GATM: variants seen among roughly 807,000 people sequenced by gnomAD.
GATM encodes glycine amidinotransferase.
Under a neutral mutation model 54.2 loss-of-function variants are expected in GATM, and 23 were observed. The ratio of observed to expected loss-of-function variants is 0.42; its 90% CI spans 0.31 to 0.60. The LOEUF (loss-of-function observed/expected upper bound fraction) is 0.60, where lower values mean the gene tolerates loss of function less well. GATM is among the 20% of genes least tolerant of loss of function. The pLI is 0.14. For missense variants in GATM, 401 were observed against 544.9 expected, an observed-to-expected ratio of 0.74 and a Z score of 2.63; for synonymous variants, 168 against 183.1, an observed-to-expected ratio of 0.92 and a Z score of 0.67.
At chr15:45,393,484 C>T (rs946057206) in intron 3 of GATM, among the ~76,000 whole-genome samples, 1 of 151,968 alleles carries the variant, frequency 6.6e-6, no homozygotes, top group Non-Finnish European at 1.5e-5. Context: ...ATACTGTAAA[C>T]ACTTACAACT....
chr15:45,369,707 T>C, intron 2 of GATM, 186 bp from the exon 3 acceptor site: 1 of 617,780 alleles, frequency 1.6e-6, no homozygotes, highest in Non-Finnish European at 2.9e-6. Context: ...ATCTGTTGAA[T>C]GAAGAACTCT....
At chr15:45,378,753 C>G (rs969519601), upstream of GATM, 3 of 330,378 alleles carry the variant, frequency 9.1e-6, no homozygotes, top group Admixed American at 1.0e-4. Flanking sequence ...GTTGCACGTC[C>G]GGACCCGGAC....
intron 5 of GATM, 35 bp downstream of exon 5, chr15:45,366,336 T>C: frequency 1.9e-6 from 3 of 1,613,232 alleles, no homozygotes; most frequent in East Asian, 2.2e-5. Flanking sequence ...AATACAATAA[T>C]ATAGTGTGAA....
rs117195104 is a variant in GATM at position 45,393,050 on chromosome 15, G to A, written c.-319+3872C>T. ...AATATGTGCCTGGCAGTAGCCAAGTGCATTACATGAATTTAGTTATCATGA... is the reference window on the plus strand; with the variant it reads ...AATATGTGCCTGGCAGTAGCCAAGTACATTACATGAATTTAGTTATCATGA... On this transcript the variant is annotated intron_variant, in intron 3 of 4. Transcript: ENST00000561148. Among the ~76,000 whole-genome samples the A allele has an allele frequency of 4.1e-3, 621 of 152,314 alleles. 21 individuals carry two copies. In the East Asian group the frequency reaches 0.098, roughly 24 times the overall value.
intron 1 of GATM, 36 bp downstream of exon 1, chr15:45,378,349 C>T (rs1889678493): frequency 3.4e-6 from 5 of 1,491,684 alleles, no homozygotes; most frequent in Non-Finnish European, 4.5e-6. Context: ...TCGAGTGAGT[C>T]ACGCGGCCGC....
upstream of GATM, chr15:45,379,416 A>G (rs1889702920): frequency 6.6e-6 from 1 of 152,014 alleles, no homozygotes; most frequent in Admixed American, 6.6e-5. Flanking sequence ...ATTTTTGATG[A>G]GCTGTCTTTT....
At chr15:45,394,176 C>T (rs780260174) in intron 3 of GATM, among the ~76,000 whole-genome samples, 2 of 152,186 alleles carry the variant, frequency 1.3e-5, no homozygotes, top group African/African-American at 2.4e-5. Context: ...CACCTGAGCT[C>T]CACCTCCTGT....
chr15:45,397,845 TAGA>T (rs1177071344), intron 2 of GATM, among the ~76,000 whole-genome samples: 1 of 152,132 alleles, frequency 6.6e-6, no homozygotes. Context: ...TATCTCCAGG[TAGA>T]TAGTCTCAGC....
chr15:45,377,506 T>C (rs749690317), intron 1 of GATM: 5 of 330,558 alleles, frequency 1.5e-5, no homozygotes, highest in South Asian at 1.2e-4. Context: ...AAGAAGGAGA[T>C]CTAAAAACTT....
At chr15:45,382,654 G>A (rs150720435), upstream of GATM, among the ~76,000 whole-genome samples, 490 of 152,100 alleles carry the variant, frequency 3.2e-3, 1 homozygote, top group African/African-American at 0.011. Flanking sequence ...TTAGCCAGGC[G>A]TGTTGGTGCA....
At chr15:45,394,493 G>A (rs1440315884) in intron 3 of GATM, among the ~76,000 whole-genome samples, 1 of 152,226 alleles carries the variant, frequency 6.6e-6, no homozygotes, top group Non-Finnish European at 1.5e-5. Flanking sequence ...AAGGTTACAT[G>A]TTGAGGAAAA....
At chr15:45,398,528 T>C (rs1017925564) in intron 2 of GATM, among the ~76,000 whole-genome samples, 4 of 152,178 alleles carry the variant, frequency 2.6e-5, no homozygotes, top group Non-Finnish European at 5.9e-5. Context: ...AAAGTAAAGA[T>C]GGAAGATTCT....
At chr15:45,396,647 G>A (rs569101008) in intron 3 of GATM, among the ~76,000 whole-genome samples, 9 of 152,012 alleles carry the variant, frequency 5.9e-5, no homozygotes, top group African/African-American at 2.2e-4. Context: ...GAGGTGGGCG[G>A]GTCATGAGGT....
chr15:45,397,039 G>A (rs137992822), exon 3 of GATM: 791 of 150,860 alleles, frequency 5.2e-3, no homozygotes, highest in Non-Finnish European at 8.2e-3. Context: ...TATCCTTCAC[G>A]TCTCAGCTGG....
chr15:45,378,491 G>T lies in GATM; in HGVS notation c.-38C>A. ...GCTGGTCCACGCGCGGAATGTTCCT[G>T]GCCTCTGGGCCGCGTCGGTCCAAGC... is the stretch of plus-strand genomic sequence containing the variant. On this transcript the variant is annotated 5_prime_UTR_variant, in exon 1 of 9. Coordinates refer to ENST00000396659, the MANE Select transcript of GATM (RefSeq NM_001482.3). The T allele has an allele frequency of 1.5e-6, 2 of 1,363,842 alleles. No individual in the cohort carries two copies. Among genetic ancestry groups the T allele is most frequent in the East Asian group, 3.1e-5 (1 of 32,390 alleles). 84.5% of individuals were successfully genotyped at this position (1,363,842 alleles called of 1,614,324 possible).
At chr15:45,381,092 T>C (rs1889735783), upstream of GATM, among the ~76,000 whole-genome samples, 1 of 152,198 alleles carries the variant, frequency 6.6e-6, no homozygotes, top group Admixed American at 6.5e-5. Context: ...TATATAGTGA[T>C]AGTTGGCAAC....
At chr15:45,397,422 A>T (rs1316563883) in intron 2 of GATM, 1 of 152,176 alleles carries the variant, frequency 6.6e-6, no homozygotes, top group East Asian at 1.9e-4. Flanking sequence ...ATAATTGATC[A>T]TGCCTACGTG....
At position 45,366,084 on chromosome 15, in the gene GATM, C is replaced by G; in HGVS notation, c.940G>C (p.Gly314Arg). The G allele has an allele frequency of 1.2e-6, 2 of 1,614,058 alleles. No homozygotes were observed. Among genetic ancestry groups the G allele is most frequent in the Non-Finnish European group, 1.7e-6 (2 of 1,180,010 alleles). ...IDATFNIIGP[G>R]IVLSNPDRPC... is the part of the protein sequence containing the mutation. ...CGGTCAGGGTTGGAAAGCACAATAC[C>G]AGGTCCAATGATGTTGAAGGTAGCA... Residue 314 changes from glycine (G) to arginine (R), a missense_variant, in exon 6 of 9, where the codon GGT becomes CGT. By Grantham distance (125) the Gly-to-Arg change is moderately radical. Around this residue, in one of 3 missense-constraint regions of GATM, gnomAD observed 321 missense variants for 457.5 expected, o/e 0.70. Transcript: ENST00000396659.
chr15:45,383,159 C>T (rs1002978687), upstream of GATM, among the ~76,000 whole-genome samples: 4 of 152,190 alleles, frequency 2.6e-5, no homozygotes, highest in African/African-American at 9.7e-5. Flanking sequence ...ATAACCAGAG[C>T]TCCCTCTTTG....
Sources: gnomAD v4.1 joint callset for allele counts (sites outside exome capture counted in the v4.1 genomes callset) on GRCh38, gnomAD v4.1.1 for gene constraint, gnomAD v4.1.1 regional missense constraint, MANE v1.5 for transcripts, NCBI Gene and HGNC (gene_info 2026-07-23, HGNC 2026-07-21) for gene names.